The following VPS13D variants were observed in gnomAD, a reference collection of about 807,000 sequenced individuals.
VPS13D encodes the protein vacuolar protein sorting 13 homolog D.
VPS13D carries 187 observed loss-of-function variants against 461.9 expected under a neutral mutation model. That is an observed-to-expected ratio of 0.40 (90% CI 0.36 to 0.46). The LOEUF (loss-of-function observed/expected upper bound fraction) is 0.46, where lower values mean the gene tolerates loss of function less well. VPS13D is among the 20% of genes least tolerant of loss of function. The pLI, the probability that VPS13D is intolerant of heterozygous loss-of-function variation, is 0.60. For synonymous variants in VPS13D, 1,951 were observed against 1,986.3 expected, an observed-to-expected ratio of 0.98 and a Z score of 0.47; for missense variants, 4,711 against 5,364.9, an observed-to-expected ratio of 0.88 and a Z score of 3.81.
rs1225797353 is a variant in VPS13D at position 12,230,114 on chromosome 1, C to A, written c.-83C>A. ...GGGCTGGGGCGGGCGGCCCGGGACA[C>A]CGACAGGTAGGGGCCGAGCGGCTCC... On this transcript the variant is annotated 5_prime_UTR_variant, in exon 1 of 70. Coordinates refer to ENST00000620676, the MANE Select transcript of VPS13D (RefSeq NM_015378.4). The A allele has an allele frequency of 1.3e-5, 2 of 151,906 alleles. No homozygotes were observed. The highest frequency in any genetic ancestry group is 2.9e-5 in the Non-Finnish European group (2 of 67,990). 9.4% of individuals were successfully genotyped at this position (151,906 alleles called of 1,614,324 possible).
At position 12,260,646 on chromosome 1, in the gene VPS13D, A is replaced by G. The variant is rs767326123; in HGVS notation, c.1111-47A>G. The G allele has an allele frequency of 7.8e-6, 12 of 1,546,874 alleles. No individual in the cohort carries two copies. In the Admixed American group the frequency reaches 2.0e-4, roughly 26 times the overall value. On this transcript the variant is annotated intron_variant, in intron 10 of 69. Coordinates refer to ENST00000620676, the MANE Select transcript of VPS13D (RefSeq NM_015378.4). ...GAGGGTGTCCAGTGTCTCTGGATCTACAACGTTTGTGTTTTTGTTTATTTG... is the reference window on the plus strand; with the variant it reads ...GAGGGTGTCCAGTGTCTCTGGATCTGCAACGTTTGTGTTTTTGTTTATTTG...
rs181986116 is a variant in VPS13D at position 12,285,224 on chromosome 1, T to G, written c.5634+1488T>G. On this transcript the variant is annotated intron_variant, in intron 21 of 69. Transcript: ENST00000620676. Reference sequence around the variant, plus strand: ...GCCCAGTCCTATAATTCATCACATTTACTTTATGCCTTTTCTTCTTTGCTG... The same window carrying G: ...GCCCAGTCCTATAATTCATCACATTGACTTTATGCCTTTTCTTCTTTGCTG... Among the ~76,000 whole-genome samples, 814 of 152,208 alleles carry G rather than the reference T, an allele frequency of 5.3e-3. 7 individuals are homozygous for G. The highest frequency in any genetic ancestry group is 0.018 in the African/African-American group (739 of 41,556).
At chr1:12,272,392 GGT>G (rs60615824) in intron 17 of VPS13D, among the ~76,000 whole-genome samples, 21,408 of 142,604 alleles carry the variant, frequency 0.15, 1,917 homozygotes, top group African/African-American at 0.28. Flanking sequence ...TTTTTGTTTT[GGT>G]GTGTGTGTGT....
At chr1:12,434,994 A>G (rs932701304) in intron 65 of VPS13D, among the ~76,000 whole-genome samples, 2 of 152,218 alleles carry the variant, frequency 1.3e-5, no homozygotes, top group South Asian at 2.1e-4. Context: ...CTTGCCATGC[A>G]GTTTATGAAA....
intron 65 of VPS13D, among the ~76,000 whole-genome samples, chr1:12,418,388 T>TC (rs1262303444): frequency 3.0e-4 from 46 of 152,350 alleles, no homozygotes; most frequent in African/African-American, 1.1e-3. Flanking sequence ...CTCTTCTTGC[T>TC]TTAGCTCTTG....
At position 12,283,250 on chromosome 1, in the gene VPS13D, G is replaced by A; in HGVS notation, c.5148G>A (p.Val1716=). ...LSQSCPSVSN[V]EYPDMPRSLP... ...AGTCTTGCCCCTCAGTGTCCAATGT[G>A]GAATATCCTGATATGCCTCGGTCTC... The change falls in exon 21 of 70, where the codon GTG becomes GTA. Residue 1716 remains valine (V), a synonymous_variant. Transcript: ENST00000620676. The A allele has an allele frequency of 6.2e-7, 1 of 1,614,090 alleles. No individual in the cohort carries two copies. The highest frequency in any genetic ancestry group is 8.5e-7 in the Non-Finnish European group (1 of 1,180,018).
chr1:12,498,638 T>G (rs1052327675), intron 68 of VPS13D, among the ~76,000 whole-genome samples: 1 of 152,218 alleles, frequency 6.6e-6, no homozygotes, highest in Non-Finnish European at 1.5e-5. Context: ...TGGGTTGCCA[T>G]TATAAAATAT....
intron 6 of VPS13D, among the ~76,000 whole-genome samples, chr1:12,252,930 G>A (rs1258839908): frequency 2.0e-4 from 31 of 151,958 alleles, no homozygotes; most frequent in Non-Finnish European, 3.5e-4. Flanking sequence ...AGGCCGAGAC[G>A]GGTGGATCAC....
At chr1:12,286,662 G>C (rs1488223419) in intron 21 of VPS13D, among the ~76,000 whole-genome samples, 1 of 152,202 alleles carries the variant, frequency 6.6e-6, no homozygotes, top group African/African-American at 2.4e-5. Flanking sequence ...GAACATGCCA[G>C]AGGGGCTGCT....
At chr1:12,467,889 A>G (rs540254438) in intron 67 of VPS13D, among the ~76,000 whole-genome samples, 2 of 152,246 alleles carry the variant, frequency 1.3e-5, no homozygotes, top group South Asian at 4.1e-4. Flanking sequence ...CTGACTTCAT[A>G]GAAACCACAC....
At chr1:12,468,466 C>G (rs922613851) in intron 67 of VPS13D, among the ~76,000 whole-genome samples, 6 of 152,162 alleles carry the variant, frequency 3.9e-5, no homozygotes, top group African/African-American at 1.4e-4. Flanking sequence ...GAGCTTTAGA[C>G]TGTAAGATAA....
chr1:12,307,480 G>C (rs1227246834), intron 26 of VPS13D, among the ~76,000 whole-genome samples: 1 of 152,038 alleles, frequency 6.6e-6, no homozygotes, highest in African/African-American at 2.4e-5. Context: ...ATTTGGGGGA[G>C]TTTTACAGAA....
intron 63 of VPS13D, among the ~76,000 whole-genome samples, chr1:12,406,679 A>C (rs547654321): frequency 6.6e-6 from 1 of 152,328 alleles, no homozygotes; most frequent in East Asian, 1.9e-4. Context: ...AAAGCACAGC[A>C]TTCCTGCCTG....
chr1:12,378,106 G>A (rs889617929), intron 55 of VPS13D, among the ~76,000 whole-genome samples: 1 of 152,166 alleles, frequency 6.6e-6, no homozygotes, highest in African/African-American at 2.4e-5. Context: ...AGTATAGCTA[G>A]TGTAGGAGGC....
In VPS13D at chr1:12,321,809, G is replaced by A; in HGVS notation, c.7549G>A (p.Val2517Met). The part of the protein sequence containing the change: ...PFSGSLFGIE[V>M]FSCRLGNEHD... ...CGCCATATTGCATTTCATTCTGTAG[G>A]TGTTTTCATGCCGACTAGGGAATGA... Residue 2517 changes from valine to methionine, a missense_variant and splice_region_variant, in exon 33 of 70, where the codon GTG becomes ATG. Transcript: ENST00000620676. 1 of 1,599,104 alleles carries A rather than the reference G, an allele frequency of 6.3e-7. No homozygotes were observed. Among genetic ancestry groups the A allele is most frequent in the South Asian group, 1.1e-5 (1 of 88,008 alleles).
intron 34 of VPS13D, among the ~76,000 whole-genome samples, 163 bp downstream of exon 34, chr1:12,322,909 AAAAC>A (rs1440134455): frequency 1.3e-5 from 2 of 152,242 alleles, no homozygotes; most frequent in Non-Finnish European, 2.9e-5. Context: ...TTAAAATTTA[AAAAC>A]AAACAAAACA....
rs1640913645 is a variant in VPS13D, at chr1:12,256,148, G to A, written c.670-185G>A. On this transcript the variant is annotated intron_variant, in intron 7 of 69. Coordinates refer to ENST00000620676, the MANE Select transcript of VPS13D (RefSeq NM_015378.4). ...GTTCAAGACCAGACAGGGCAATATA[G>A]TGAGATCCTGTCCCTATATAAAAAG... 3.5e-5 allele frequency: 21 copies of A among 594,860 alleles called. No individual in the cohort carries two copies. In the South Asian group the frequency reaches 4.9e-4, roughly 14 times the overall value. The allele number at this position is 594,860 out of a possible 1,614,324, so 36.8% of individuals were successfully genotyped here.
At chr1:12,437,784 A>G (rs905917451) in intron 65 of VPS13D, among the ~76,000 whole-genome samples, 5 of 152,170 alleles carry the variant, frequency 3.3e-5, no homozygotes, top group Non-Finnish European at 7.3e-5. Flanking sequence ...TGTTTAGACT[A>G]AGGCTAGGTA....
chr1:12,372,051 T>A (rs1279306676), intron 54 of VPS13D, among the ~76,000 whole-genome samples: 2 of 152,114 alleles, frequency 1.3e-5, no homozygotes, highest in South Asian at 4.1e-4. Flanking sequence ...TTTTTGTTTT[T>A]GTTTTTATTT....
Sources: gnomAD v4.1 joint callset for allele counts (sites outside exome capture counted in the v4.1 genomes callset) on GRCh38, gnomAD v4.1.1 for gene constraint, MANE v1.5 for transcripts, NCBI Gene and HGNC (gene_info 2026-07-23, HGNC 2026-07-21) for gene names.